Variants in BTBD9 observed in about 807,000 individuals in gnomAD.
BTBD9 encodes BTB domain containing 9.
BTBD9 carries 49 observed loss-of-function variants against 64.3 expected under a neutral mutation model. The ratio of observed to expected loss-of-function variants is 0.76; its 90% CI spans 0.61 to 0.97. The LOEUF is 0.97. Among genes scored for constraint, BTBD9 ranks in the 50% least tolerant of loss-of-function variants. The pLI is 0.00. For synonymous variants in BTBD9, 260 were observed against 274.7 expected (o/e 0.95, Z 0.53); for missense variants, 598 against 762.1 (o/e 0.78, Z 2.53).
intron 6 of BTBD9, among the ~76,000 whole-genome samples, chr6:38,571,359 T>C (rs1393242765): frequency 6.6e-6 from 1 of 152,170 alleles, no homozygotes; most frequent in East Asian, 1.9e-4. Flanking sequence ...AGTGTTAATA[T>C]AGCAGGGAAA....
chr6:38,339,533 T>C (rs915296519), intron 7 of BTBD9, among the ~76,000 whole-genome samples: 15 of 152,162 alleles, frequency 9.9e-5, no homozygotes, highest in Non-Finnish European at 1.6e-4. Context: ...ATAATATGTA[T>C]GGTATATAGT....
At chr6:38,610,993 A>G (rs62396374) in intron 1 of BTBD9, among the ~76,000 whole-genome samples, 7,413 of 152,228 alleles carry the variant, frequency 0.049, 309 homozygotes, top group East Asian at 0.23. Flanking sequence ...ATAGCCATCA[A>G]TAAGAATGGA....
At chr6:38,220,472 G>A (rs558193318) in intron 9 of BTBD9, among the ~76,000 whole-genome samples, 2 of 152,294 alleles carry the variant, frequency 1.3e-5, no homozygotes, top group African/African-American at 4.8e-5. Flanking sequence ...CTTTCTGCAT[G>A]GTTTGAAAAT....
At chr6:38,273,972 C>T (rs1017996819) in intron 8 of BTBD9, among the ~76,000 whole-genome samples, 1 of 152,194 alleles carries the variant, frequency 6.6e-6, no homozygotes, top group Non-Finnish European at 1.5e-5. Flanking sequence ...CTATTCTGAG[C>T]CTGCTCTGAG....
At chr6:38,186,423 C>T (rs182885063) in intron 10 of BTBD9, among the ~76,000 whole-genome samples, 4 of 152,294 alleles carry the variant, frequency 2.6e-5, no homozygotes, top group Admixed American at 1.3e-4. Flanking sequence ...TTTCCATTTA[C>T]AAATGTTTCT....
In BTBD9 at chr6:38,585,938, C is replaced by CCACACACACA. The variant is rs10660204; in HGVS notation, c.815-5511_815-5502dup. Among the ~76,000 whole-genome samples the CCACACACACA allele has an allele frequency of 4.7e-3, 663 of 140,852 alleles. 3 individuals carry two copies. Among genetic ancestry groups the CCACACACACA allele is most frequent in the East Asian group, 8.6e-3 (41 of 4,780 alleles). 92.4% of individuals were successfully genotyped at this position (140,852 alleles called of 152,430 possible). A position where few individuals can be genotyped will look rare whatever the true frequency, so the allele number is the denominator to read the frequency against. ...ATAGGTACAGGGTAAACAGGACAGA[C>CCACACACACA]CACACACACACACACACACACACAC... On this transcript the variant is annotated intron_variant, in intron 4 of 10. Coordinates refer to ENST00000481247, the MANE Select transcript of BTBD9 (RefSeq NM_001099272.2).
At chr6:38,182,188 A>C (rs1038283022) in intron 10 of BTBD9, among the ~76,000 whole-genome samples, 1 of 152,018 alleles carries the variant, frequency 6.6e-6, no homozygotes, top group Admixed American at 6.5e-5. Flanking sequence ...ACTTTACAAT[A>C]TCATTTTCTC....
chr6:38,544,649 A>G (rs910447608), intron 6 of BTBD9, among the ~76,000 whole-genome samples: 1 of 152,018 alleles, frequency 6.6e-6, no homozygotes, highest in Non-Finnish European at 1.5e-5. Flanking sequence ...GGTGTGGGCC[A>G]GGCTCGGTGG....
intron 7 of BTBD9, among the ~76,000 whole-genome samples, chr6:38,307,772 CA>C (rs1423204149): frequency 6.6e-6 from 1 of 152,176 alleles, no homozygotes; most frequent in African/African-American, 2.4e-5. Context: ...CCATTTTAGC[CA>C]GTGATAAGAA....
At chr6:38,339,793 A>G (rs1370639465) in intron 7 of BTBD9, among the ~76,000 whole-genome samples, 3 of 152,258 alleles carry the variant, frequency 2.0e-5, no homozygotes, top group African/African-American at 7.2e-5. Context: ...TTTAAAGGCA[A>G]TCCCTAAATA....
chr6:38,192,128 G>A (rs891531026), intron 10 of BTBD9, among the ~76,000 whole-genome samples: 2 of 152,206 alleles, frequency 1.3e-5, no homozygotes, highest in Admixed American at 6.5e-5. Flanking sequence ...GAAACAGCAG[G>A]GGAGTGATAA....
intron 6 of BTBD9, among the ~76,000 whole-genome samples, chr6:38,477,593 T>A (rs1034911739): frequency 4.6e-5 from 7 of 152,230 alleles, no homozygotes; most frequent in Non-Finnish European, 1.0e-4. Flanking sequence ...TATTGCCAAT[T>A]CTCACATTTT....
chr6:38,284,291 T>C (rs188525461), intron 8 of BTBD9, among the ~76,000 whole-genome samples: 3 of 152,182 alleles, frequency 2.0e-5, no homozygotes, highest in Admixed American at 1.3e-4. Flanking sequence ...CCGCTCTGAG[T>C]CAGGAAAAGA....
intron 9 of BTBD9, among the ~76,000 whole-genome samples, chr6:38,218,313 C>T (rs920528394): frequency 1.3e-5 from 2 of 152,188 alleles, no homozygotes; most frequent in Non-Finnish European, 2.9e-5. Flanking sequence ...AAGCAGATTG[C>T]GGACAACTTT....
chr6:38,285,495 T>A (rs1344080389), intron 8 of BTBD9, among the ~76,000 whole-genome samples: 3 of 151,958 alleles, frequency 2.0e-5, no homozygotes, highest in African/African-American at 7.3e-5. Context: ...GAGATGCGCA[T>A]AGAACACTGT....
chr6:38,509,707 A>G (rs1213400070), intron 6 of BTBD9, among the ~76,000 whole-genome samples: 1 of 152,218 alleles, frequency 6.6e-6, no homozygotes, highest in Admixed American at 6.5e-5. Flanking sequence ...AACTCAGGGA[A>G]GAGGCACTGC....
intron 8 of BTBD9, among the ~76,000 whole-genome samples, chr6:38,279,763 T>C (rs917119413): frequency 1.3e-5 from 2 of 152,180 alleles, no homozygotes; most frequent in African/African-American, 4.8e-5. Context: ...GTATTTGTTT[T>C]AAAGAGTTCT....
At position 38,434,208 on chromosome 6, in the gene BTBD9, A is replaced by T. The variant is rs570875352; in HGVS notation, c.1155-89115T>A. Among the ~76,000 whole-genome samples the T allele has an allele frequency of 9.9e-4, 150 of 152,150 alleles. 2 individuals are homozygous for T. The highest frequency in any genetic ancestry group is 1.9e-3 in the Non-Finnish European group (129 of 68,028). On this transcript the variant is annotated intron_variant, in intron 6 of 10. Transcript: ENST00000481247. ...AAAGAATCTCTATTAACATAGCTAG[A>T]TCTTTTTCTTCCAGTTTCTCCCAAC...
chr6:38,304,974 G>T (rs1762572212), intron 7 of BTBD9, among the ~76,000 whole-genome samples: 1 of 151,898 alleles, frequency 6.6e-6, no homozygotes. Flanking sequence ...CATAAGGGCA[G>T]GAACTTTTTT....
Sources: gnomAD v4.1 joint callset for allele counts (sites outside exome capture counted in the v4.1 genomes callset) on GRCh38, gnomAD v4.1.1 for gene constraint, MANE v1.5 for transcripts, NCBI Gene and HGNC (gene_info 2026-07-23, HGNC 2026-07-21) for gene names.